Variants in METTL15 observed in about 807,000 individuals in gnomAD.
METTL15 encodes methyltransferase 15, mitochondrial 12S rRNA N4-cytidine.
Under a neutral mutation model 38.3 loss-of-function variants are expected in METTL15, and 34 were observed. That is an observed-to-expected ratio of 0.89 (90% CI 0.68 to 1.18). The LOEUF (loss-of-function observed/expected upper bound fraction) is 1.18. METTL15 is among the 50% of genes most tolerant of loss of function. The probability of loss-of-function intolerance (pLI) is 0.00; values close to 1 mark genes in which losing one functional copy is unlikely to be tolerated. For synonymous variants in METTL15, 162 were observed against 170.9 expected, an observed-to-expected ratio of 0.95 and a Z score of 0.41; for missense variants, 438 against 498.4, an observed-to-expected ratio of 0.88 and a Z score of 1.15.
intron 3 of METTL15, among the ~76,000 whole-genome samples, chr11:28,350,639 T>C (rs748957159): frequency 6.6e-6 from 1 of 152,242 alleles, no homozygotes; most frequent in Non-Finnish European, 1.5e-5. Context: ...TGTCTTTTTA[T>C]GGTCAAGCAC....
chr11:28,216,326 C>A lies in METTL15; in HGVS notation c.407+5128C>A, dbSNP rs943553043. Among the ~76,000 whole-genome samples, 5 of 151,742 alleles carry A rather than the reference C, an allele frequency of 3.3e-5. No individual in the cohort carries two copies. In the East Asian group the frequency reaches 9.7e-4, roughly 30 times the overall value. On this transcript the variant is annotated intron_variant, in intron 4 of 6. Transcript: ENST00000407364. ...GGAAATAATCCAAAAATTGATTCTG[C>A]TAAATAAAGGCATTTAATTGAAGAT... is the stretch of plus-strand genomic sequence containing the variant.
chr11:28,446,357 G>T (rs1479136843), intron 6 of METTL15, among the ~76,000 whole-genome samples: 1 of 152,054 alleles, frequency 6.6e-6, no homozygotes, highest in Non-Finnish European at 1.5e-5. Context: ...TTCCACACTG[G>T]TGCTCTCGCC....
chr11:28,330,563 C>G lies in METTL15; in HGVS notation c.946C>G (p.Leu316Val), dbSNP rs1477775181. Residue 316 changes from leucine to valine, a missense_variant, in exon 7 of 7, where the codon CTT becomes GTT. Transcript: ENST00000407364. ...GAAGTTTCTGAGACCTGGTGGTCGT[C>G]TTGTTGCCCTCTCCTTCCATTCACT... is the stretch of plus-strand genomic sequence containing the variant. ...AQKFLRPGGR[L>V]VALSFHSLED... 1.3e-6 allele frequency: 2 copies of G among 1,551,646 alleles called. No individual in the cohort carries two copies. The highest frequency in any genetic ancestry group is 2.4e-5 in the East Asian group (1 of 40,888).
At chr11:28,214,750 T>A (rs1266470595) in intron 4 of METTL15, among the ~76,000 whole-genome samples, 1 of 152,182 alleles carries the variant, frequency 6.6e-6, no homozygotes, top group Non-Finnish European at 1.5e-5. Flanking sequence ...TGACAAAGGC[T>A]AAAGCAAGGT....
At chr11:28,527,277 T>C (rs901126341), downstream of METTL15, among the ~76,000 whole-genome samples, 1 of 152,228 alleles carries the variant, frequency 6.6e-6, no homozygotes, top group Non-Finnish European at 1.5e-5. Context: ...GTTTTTCTTA[T>C]AAGGCACATT....
intron 6 of METTL15, among the ~76,000 whole-genome samples, chr11:28,437,611 G>A (rs550973314): frequency 6.6e-5 from 10 of 152,248 alleles, no homozygotes; most frequent in Non-Finnish European, 1.2e-4. Flanking sequence ...TTTCATACTT[G>A]AATGTCAAAA....
At chr11:28,303,251 G>A (rs145830026) in intron 6 of METTL15, among the ~76,000 whole-genome samples, 8 of 152,106 alleles carry the variant, frequency 5.3e-5, no homozygotes, top group Non-Finnish European at 1.2e-4. Flanking sequence ...GTGTAAACTT[G>A]AATAATTCTA....
chr11:28,514,556 A>AGT (rs1851703496), intron 6 of METTL15, among the ~76,000 whole-genome samples: 1 of 152,220 alleles, frequency 6.6e-6, no homozygotes, highest in African/African-American at 2.4e-5. Flanking sequence ...AATTGCTATT[A>AGT]CTTGCAACTA....
chr11:28,320,828 A>T (rs1041996063), intron 6 of METTL15, among the ~76,000 whole-genome samples: 1 of 151,386 alleles, frequency 6.6e-6, no homozygotes, highest in Non-Finnish European at 1.5e-5. Flanking sequence ...TAAAACTAAC[A>T]TTTTTTTTTA....
chr11:28,393,092 G>T (rs1301488531), intron 5 of METTL15, among the ~76,000 whole-genome samples: 1 of 152,052 alleles, frequency 6.6e-6, no homozygotes, highest in Admixed American at 6.6e-5. Flanking sequence ...AAATGGTGCA[G>T]CCATTATGGA....
At chr11:28,123,798 TA>T in intron 3 of METTL15, 1 of 1,226,088 alleles carries the variant, frequency 8.2e-7, no homozygotes, top group Non-Finnish European at 1.1e-6. Context: ...GGTTTCTATA[TA>T]ATTAAATTTC....
At chr11:28,396,411 T>C (rs1850569149) in intron 5 of METTL15, among the ~76,000 whole-genome samples, 1 of 152,134 alleles carries the variant, frequency 6.6e-6, no homozygotes, top group East Asian at 1.9e-4. Flanking sequence ...GGATACAAAA[T>C]CAATGTGCAA....
intron 5 of METTL15, among the ~76,000 whole-genome samples, chr11:28,374,240 G>A (rs936789320): frequency 5.9e-5 from 9 of 151,964 alleles, no homozygotes; most frequent in Admixed American, 3.9e-4. Context: ...CATTGAATCT[G>A]TAAATTACCT....
chr11:28,527,234 G>A (rs1000762830), downstream of METTL15, among the ~76,000 whole-genome samples: 9 of 152,134 alleles, frequency 5.9e-5, no homozygotes, highest in Non-Finnish European at 1.3e-4. Flanking sequence ...ACCTTTTGTT[G>A]TGTTGATTTT....
chr11:28,375,896 C>G (rs955532427), intron 5 of METTL15, among the ~76,000 whole-genome samples: 5 of 151,698 alleles, frequency 3.3e-5, no homozygotes, highest in African/African-American at 9.7e-5. Context: ...CAAAGAACAT[C>G]TTTATTTCTG....
At chr11:28,131,674 C>G (rs550100127) in intron 3 of METTL15, among the ~76,000 whole-genome samples, 1 of 152,158 alleles carries the variant, frequency 6.6e-6, no homozygotes, top group South Asian at 2.1e-4. Context: ...CACTAAAATG[C>G]ATTGGAATCA....
chr11:28,316,915 A>G (rs1381807128), intron 6 of METTL15, among the ~76,000 whole-genome samples: 2 of 152,172 alleles, frequency 1.3e-5, no homozygotes, highest in Non-Finnish European at 2.9e-5. Context: ...TGTAAGTCCA[A>G]TTAAACCTTT....
intron 5 of METTL15, among the ~76,000 whole-genome samples, chr11:28,401,167 G>C (rs1850627388): frequency 6.6e-6 from 1 of 151,950 alleles, no homozygotes; most frequent in Admixed American, 6.6e-5. Flanking sequence ...ATGTGAGAGT[G>C]CCATGTTTGT....
intron 2 of METTL15, among the ~76,000 whole-genome samples, chr11:28,112,051 A>G (rs1271579516): frequency 6.6e-6 from 1 of 152,196 alleles, no homozygotes; most frequent in East Asian, 1.9e-4. Context: ...CCTCAAGGTA[A>G]CATCTTGTTG....
Sources: allele counts gnomAD v4.1 joint callset (sites outside exome capture counted in the v4.1 genomes callset), GRCh38; gene constraint gnomAD v4.1.1; transcripts MANE v1.5; gene names NCBI Gene and HGNC (gene_info 2026-07-23, HGNC 2026-07-21).